Variants in CACNA2D3 observed in about 807,000 individuals in gnomAD.
CACNA2D3 encodes calcium voltage-gated channel auxiliary subunit alpha2delta 3.
Under a neutral mutation model 160.6 loss-of-function variants are expected in CACNA2D3, and 60 were observed. The ratio of observed to expected loss-of-function variants is 0.37; its 90% confidence interval spans 0.30 to 0.46. The LOEUF (loss-of-function observed/expected upper bound fraction) is 0.46, where lower values mean the gene tolerates loss of function less well. Ranked by LOEUF, CACNA2D3 falls within the 20% of genes least tolerant of loss-of-function variation. The pLI is 1.00. For missense variants in CACNA2D3, 1,205 were observed against 1,365.0 expected (o/e 0.88, Z 1.85); for synonymous variants, 558 against 492.9 (o/e 1.13, Z -1.75).
At chr3:54,925,655 T>C (rs1198339483) in intron 27 of CACNA2D3, among the ~76,000 whole-genome samples, 1 of 152,236 alleles carries the variant, frequency 6.6e-6, no homozygotes, top group Non-Finnish European at 1.5e-5. Flanking sequence ...CTAATACAAC[T>C]TTCTGTGATG....
chr3:55,036,521 C>G (rs1703819228), intron 35 of CACNA2D3, among the ~76,000 whole-genome samples: 1 of 151,306 alleles, frequency 6.6e-6, no homozygotes, highest in Admixed American at 6.6e-5. Flanking sequence ...AGGCTGGAGT[C>G]CAGTGGCGCG....
intron 6 of CACNA2D3, among the ~76,000 whole-genome samples, chr3:54,563,362 C>T (rs373432219): frequency 7.2e-5 from 11 of 152,116 alleles, no homozygotes; most frequent in South Asian, 2.1e-4. Flanking sequence ...GAATTTGAAC[C>T]GGATTTGTCC....
At position 54,975,939 on chromosome 3, in the gene CACNA2D3, C is replaced by T. The variant is rs965671755; in HGVS notation, c.2556+6095C>T. On this transcript the variant is annotated intron_variant, in intron 29 of 37. Coordinates refer to ENST00000474759, the MANE Select transcript of CACNA2D3 (RefSeq NM_018398.3). The stretch of plus-strand genomic sequence containing the variant: ...TCAGCCACAATAATAACACCCCAGA[C>T]ACTTGGTACATTGATTTTTCTGCCA... Among the ~76,000 whole-genome samples, 14 of 152,138 alleles carry T rather than the reference C, an allele frequency of 9.2e-5. No individual in the cohort carries two copies. The East Asian group carries it at 2.3e-3, about 25-fold the overall frequency.
chr3:54,140,728 G>A (rs923767876), intron 2 of CACNA2D3, among the ~76,000 whole-genome samples: 1 of 152,192 alleles, frequency 6.6e-6, no homozygotes, highest in Non-Finnish European at 1.5e-5. Flanking sequence ...CAGTGGTAAT[G>A]CCTCATCCAG....
In CACNA2D3 at chr3:54,581,830, C is replaced by A. The variant is rs372801654; in HGVS notation, c.916C>A (p.Pro306Thr). The change falls in exon 9 of 38, where the codon CCT becomes ACT. Residue 306 changes from proline (P) to threonine (T), a missense_variant. Around this residue, in one of 3 missense-constraint regions of CACNA2D3, gnomAD observed 911 missense variants for 1,002.2 expected, o/e 0.91. Coordinates refer to ENST00000474759, the MANE Select transcript of CACNA2D3 (RefSeq NM_018398.3). ...AYNEELHYVE[P>T]CLNGTLVQAD... ...TAATGAGGAGCTTCACTATGTGGAA[C>A]CTTGCCTGAATGGAACTTTGGTGCA... The A allele has an allele frequency of 5.0e-6, 8 of 1,613,652 alleles. No homozygotes were observed. Among genetic ancestry groups the A allele is most frequent in the African/African-American group, 1.3e-5 (1 of 74,890 alleles).
chr3:54,723,464 C>T (rs540892168), intron 11 of CACNA2D3, among the ~76,000 whole-genome samples: 15 of 152,134 alleles, frequency 9.9e-5, no homozygotes, highest in Admixed American at 5.2e-4. Flanking sequence ...ACAGCTAGTT[C>T]GGTGTCTGCC....
intron 2 of CACNA2D3, among the ~76,000 whole-genome samples, chr3:54,308,013 C>T (rs746002689): frequency 1.3e-5 from 2 of 152,186 alleles, no homozygotes; most frequent in Non-Finnish European, 2.9e-5. Context: ...CTGATTCTGA[C>T]CATAATTACA....
intron 17 of CACNA2D3, among the ~76,000 whole-genome samples, chr3:54,847,659 A>C (rs1698965431): frequency 6.6e-6 from 1 of 152,230 alleles, no homozygotes; most frequent in Non-Finnish European, 1.5e-5. Context: ...CAATTTCAAC[A>C]ATCTTTTTAT....
chr3:54,289,830 G>A (rs1156657191), intron 2 of CACNA2D3, among the ~76,000 whole-genome samples: 1 of 151,996 alleles, frequency 6.6e-6, no homozygotes, highest in African/African-American at 2.4e-5. Flanking sequence ...TTTAATAAAT[G>A]GTGCTGGGAA....
intron 37 of CACNA2D3, 54 bp from the exon 38 acceptor site, chr3:55,074,060 T>C: frequency 6.9e-7 from 1 of 1,452,454 alleles, no homozygotes; most frequent in Non-Finnish European, 9.7e-7. Context: ...TGGGGAAAGT[T>C]GAAGGTGTCC....
intron 27 of CACNA2D3, among the ~76,000 whole-genome samples, chr3:54,921,590 T>G (rs112202819): frequency 4.8e-4 from 73 of 152,292 alleles, no homozygotes; most frequent in African/African-American, 1.7e-3. Flanking sequence ...GCCATGTGAT[T>G]GAATTCTGGA....
chr3:54,808,813 A>C (rs1227589453), intron 13 of CACNA2D3, among the ~76,000 whole-genome samples: 5 of 152,118 alleles, frequency 3.3e-5, no homozygotes, highest in Non-Finnish European at 5.9e-5. Context: ...GCAGTGGCTC[A>C]GTGAGAGGGG....
intron 35 of CACNA2D3, among the ~76,000 whole-genome samples, chr3:55,056,951 A>T (rs1359690452): frequency 1.3e-5 from 2 of 152,202 alleles, no homozygotes; most frequent in East Asian, 3.8e-4. Context: ...AATAAATCTC[A>T]AATGCTCTCA....
At chr3:54,124,509 C>A (rs1334188382) in intron 2 of CACNA2D3, among the ~76,000 whole-genome samples, 1 of 152,150 alleles carries the variant, frequency 6.6e-6, no homozygotes, top group Admixed American at 6.5e-5. Flanking sequence ...TGGGTACAAA[C>A]AGCTTAAATT....
At chr3:55,039,725 T>C (rs1703917520) in intron 35 of CACNA2D3, among the ~76,000 whole-genome samples, 1 of 152,208 alleles carries the variant, frequency 6.6e-6, no homozygotes, top group Admixed American at 6.5e-5. Context: ...CTTGGTTTTG[T>C]TTATTGGGAA....
At chr3:55,022,869 A>G (rs1292413657) in intron 35 of CACNA2D3, among the ~76,000 whole-genome samples, 2 of 152,010 alleles carry the variant, frequency 1.3e-5, no homozygotes, top group Non-Finnish European at 2.9e-5. Flanking sequence ...TCTCTTTCAT[A>G]TAATATTTTC....
intron 29 of CACNA2D3, among the ~76,000 whole-genome samples, chr3:54,973,214 AAC>A (rs569567263): frequency 1.1e-3 from 166 of 152,266 alleles, no homozygotes; most frequent in African/African-American, 3.7e-3. Flanking sequence ...GGTCAAGGAA[AAC>A]ACAGTTAGCA....
chr3:54,783,740 C>T (rs910206992), intron 13 of CACNA2D3, among the ~76,000 whole-genome samples: 1 of 152,184 alleles, frequency 6.6e-6, no homozygotes, highest in Non-Finnish European at 1.5e-5. Context: ...CAACATGTAT[C>T]TCTTACATGG....
At chr3:54,484,169 A>G (rs943437505) in intron 4 of CACNA2D3, among the ~76,000 whole-genome samples, 11 of 152,246 alleles carry the variant, frequency 7.2e-5, no homozygotes, top group Non-Finnish European at 1.6e-4. Flanking sequence ...GTAACTTTAA[A>G]TAACATGGCC....
Sources: gnomAD v4.1 joint callset for allele counts (sites outside exome capture counted in the v4.1 genomes callset) on GRCh38, gnomAD v4.1.1 for gene constraint, gnomAD v4.1.1 regional missense constraint, MANE v1.5 for transcripts, NCBI Gene and HGNC (gene_info 2026-07-23, HGNC 2026-07-21) for gene names.